The following WWOX variants were observed in gnomAD, a reference collection of about 807,000 sequenced individuals.
WWOX encodes the protein WW domain-containing oxidoreductase.
In WWOX, 69 loss-of-function variants were observed where a neutral mutation model predicts 46.2. The observed-to-expected ratio is 1.49, with a 90% CI of 1.23 to 1.82. WWOX has a LOEUF of 1.82. WWOX is among the 40% of genes most tolerant of loss of function. WWOX has a pLI of 0.00. For missense variants in WWOX, 919 were observed against 542.6 expected, an observed-to-expected ratio of 1.69 and a Z score of -6.89; for synonymous variants, 359 against 202.6, an observed-to-expected ratio of 1.77 and a Z score of -6.56.
chr16:78,671,449 TAAA>T (rs902615882), intron 8 of WWOX, among the ~76,000 whole-genome samples: 3 of 152,138 alleles, frequency 2.0e-5, no homozygotes, highest in Non-Finnish European at 4.4e-5. Flanking sequence ...AAAACATAAA[TAAA>T]TTTCTATTGT....
At chr16:78,544,229 T>G (rs1179474171) in intron 8 of WWOX, among the ~76,000 whole-genome samples, 2 of 152,244 alleles carry the variant, frequency 1.3e-5, no homozygotes, top group Middle Eastern at 3.2e-3. Context: ...ACTAATATTC[T>G]CTCTGACTAT....
At chr16:78,175,663 C>T (rs1040504896) in intron 5 of WWOX, among the ~76,000 whole-genome samples, 3 of 152,200 alleles carry the variant, frequency 2.0e-5, no homozygotes, top group African/African-American at 7.2e-5. Context: ...ATGACTGAGG[C>T]CCTGGCTGAT....
chr16:78,372,004 C>A (rs1394481045), intron 5 of WWOX, among the ~76,000 whole-genome samples: 1 of 152,134 alleles, frequency 6.6e-6, no homozygotes, highest in East Asian at 1.9e-4. Flanking sequence ...ATGGACTAGG[C>A]CTTGAAGAAG....
chr16:78,459,622 C>A (rs2083904138), intron 8 of WWOX, among the ~76,000 whole-genome samples: 1 of 152,162 alleles, frequency 6.6e-6, no homozygotes, highest in African/African-American at 2.4e-5. Flanking sequence ...CTACTTTCTG[C>A]ATTTGCGTGT....
intron 8 of WWOX, among the ~76,000 whole-genome samples, chr16:78,537,643 G>T (rs2043791224): frequency 6.6e-6 from 1 of 152,142 alleles, no homozygotes; most frequent in African/African-American, 2.4e-5. Flanking sequence ...GCTTGGTTGT[G>T]ATGTTGTTGT....
intron 5 of WWOX, among the ~76,000 whole-genome samples, chr16:78,370,461 TATATG>T (rs2081647860): frequency 6.6e-6 from 1 of 151,320 alleles, no homozygotes; most frequent in Admixed American, 6.6e-5. Context: ...AGGAGAGAAA[TATATG>T]AGAGACGTAT....
At chr16:78,104,331 ACACG>A (rs56307970) in intron 1 of WWOX, among the ~76,000 whole-genome samples, 219 of 149,604 alleles carry the variant, frequency 1.5e-3, no homozygotes, top group Admixed American at 4.5e-3. Flanking sequence ...CTCAAAAAAC[ACACG>A]CACGCACGCA....
intron 5 of WWOX, among the ~76,000 whole-genome samples, chr16:78,358,164 C>A (rs2081336790): frequency 6.6e-6 from 1 of 152,120 alleles, no homozygotes; most frequent in African/African-American, 2.4e-5. Context: ...AGTATCTTCT[C>A]AACACACATT....
chr16:79,058,069 T>C (rs1268078074), intron 8 of WWOX, among the ~76,000 whole-genome samples: 4 of 149,082 alleles, frequency 2.7e-5, no homozygotes, highest in Non-Finnish European at 4.4e-5. Context: ...TCCACACTAA[T>C]GTGTGAGCTT....
chr16:78,240,290 G>A (rs1230313954), intron 5 of WWOX, among the ~76,000 whole-genome samples: 2 of 151,640 alleles, frequency 1.3e-5, no homozygotes, highest in Non-Finnish European at 2.9e-5. Context: ...GCCAGCCTGG[G>A]CAATATAGCA....
chr16:78,885,919 A>G (rs2044446102), intron 8 of WWOX, among the ~76,000 whole-genome samples: 1 of 138,086 alleles, frequency 7.2e-6, no homozygotes, highest in South Asian at 2.5e-4. Context: ...AGGGATGGGG[A>G]TGGAATTTTT....
At chr16:79,011,307 T>C (rs2047302393) in intron 8 of WWOX, among the ~76,000 whole-genome samples, 2 of 151,734 alleles carry the variant, frequency 1.3e-5, no homozygotes, top group Admixed American at 1.3e-4. Context: ...TTAACACTAT[T>C]ACGTAGTATT....
intron 8 of WWOX, among the ~76,000 whole-genome samples, chr16:78,456,027 T>C (rs2083808610): frequency 6.6e-6 from 1 of 152,240 alleles, no homozygotes; most frequent in Admixed American, 6.5e-5. Flanking sequence ...ATTCTACTTT[T>C]GTTACTACCG....
intron 8 of WWOX, among the ~76,000 whole-genome samples, chr16:78,488,946 G>A (rs1445964408): frequency 1.3e-5 from 2 of 152,132 alleles, no homozygotes; most frequent in Non-Finnish European, 2.9e-5. Context: ...TTCTGATAAT[G>A]GCACTAGGCT....
rs535746942 is a variant in WWOX, at chr16:78,580,567, A to G, written c.1056+147815A>G. Reference sequence around the variant, plus strand: ...TGCAAGGCCTGAACAAAAGACACAGAAAGGATTTCTTTATCGTAAGCACAC... The same window carrying G: ...TGCAAGGCCTGAACAAAAGACACAGGAAGGATTTCTTTATCGTAAGCACAC... On this transcript the variant is annotated intron_variant, in intron 8 of 8. Transcript: ENST00000566780. Among the ~76,000 whole-genome samples the G allele has an allele frequency of 2.3e-4, 35 of 152,356 alleles. No individual in the cohort carries two copies. The South Asian group carries it at 7.0e-3, about 31-fold the overall frequency.
At chr16:78,946,866 A>T (rs1484725378) in intron 8 of WWOX, among the ~76,000 whole-genome samples, 1 of 152,152 alleles carries the variant, frequency 6.6e-6, no homozygotes, top group East Asian at 1.9e-4. Context: ...TGGCCGTGGC[A>T]AGGACAAGAG....
At chr16:79,098,214 TGATTGCA>T (rs558197230) in intron 8 of WWOX, among the ~76,000 whole-genome samples, 280 of 152,324 alleles carry the variant, frequency 1.8e-3, no homozygotes, top group African/African-American at 6.4e-3. Flanking sequence ...GACATTCATT[TGATTGCA>T]GATTGAATCC....
At chr16:78,151,556 T>C (rs2034408475) in intron 4 of WWOX, among the ~76,000 whole-genome samples, 1 of 152,202 alleles carries the variant, frequency 6.6e-6, no homozygotes, top group Non-Finnish European at 1.5e-5. Context: ...CATTACAGCA[T>C]CCTTTGTATA....
chr16:78,322,529 T>C (rs1240730805), intron 5 of WWOX, among the ~76,000 whole-genome samples: 8 of 152,208 alleles, frequency 5.3e-5, no homozygotes, highest in Non-Finnish European at 4.4e-5. Context: ...AAAGTGGGGA[T>C]TCACAGATGA....
Sources: gnomAD v4.1 joint callset for allele counts (sites outside exome capture counted in the v4.1 genomes callset) on GRCh38, gnomAD v4.1.1 for gene constraint, MANE v1.5 for transcripts, NCBI Gene and HGNC (gene_info 2026-07-23, HGNC 2026-07-21) for gene names.